Variants in JARID2 observed in about 807,000 individuals in gnomAD.
JARID2 encodes jumonji and AT-rich interaction domain containing 2, also known as protein Jumonji.
JARID2 carries 21 observed loss-of-function variants against 125.6 expected under a neutral mutation model. That is an observed-to-expected ratio of 0.17 (90% confidence interval 0.12 to 0.24). The LOEUF is 0.24. Among genes scored for constraint, JARID2 ranks in the 10% least tolerant of loss-of-function variants. The pLI, the probability that JARID2 is intolerant of heterozygous loss-of-function variation, is 1.00. For synonymous variants in JARID2, 736 were observed against 661.6 expected (o/e 1.11, Z -1.73); for missense variants, 1,303 against 1,639.6 (o/e 0.79, Z 3.55).
intron 1 of JARID2, among the ~76,000 whole-genome samples, chr6:15,273,969 C>T (rs562340282): frequency 4.5e-4 from 68 of 151,692 alleles, no homozygotes; most frequent in African/African-American, 1.5e-3. Context: ...CGCCCTGTCA[C>T]CCAGGCTGGA....
chr6:15,430,143 A>C (rs1264463469), intron 3 of JARID2, among the ~76,000 whole-genome samples: 1 of 152,254 alleles, frequency 6.6e-6, no homozygotes, highest in African/African-American at 2.4e-5. Context: ...ATCTATGTCC[A>C]TGATAATAAA....
intron 6 of JARID2, among the ~76,000 whole-genome samples, chr6:15,494,906 G>T (rs1293618669): frequency 6.6e-6 from 1 of 152,186 alleles, no homozygotes; most frequent in Non-Finnish European, 1.5e-5. Context: ...GGAAGTGCAG[G>T]CTCCCCCGAC....
Position 15,488,455 on chromosome 6 carries a change from A to G in JARID2, c.906+913A>G, listed in dbSNP as rs146226849. Among the ~76,000 whole-genome samples the G allele has an allele frequency of 1.2e-3, 189 of 152,330 alleles. 1 individual carries two copies. Among genetic ancestry groups the G allele is most frequent in the African/African-American group, 4.3e-3 (180 of 41,588 alleles). The stretch of plus-strand genomic sequence containing the variant: ...GCTTTCCTCACAGAGTTAAAAATAG[A>G]GGGTTAAAATCTTCCCTAGAAGAGA... On this transcript the variant is annotated intron_variant, in intron 6 of 17. Coordinates refer to ENST00000341776, the MANE Select transcript of JARID2 (RefSeq NM_004973.4).
At chr6:15,481,310 C>T (rs1348171185) in intron 5 of JARID2, among the ~76,000 whole-genome samples, 1 of 152,202 alleles carries the variant, frequency 6.6e-6, no homozygotes, top group Non-Finnish European at 1.5e-5. Context: ...ATATGGTTCA[C>T]AGTGATGAAT....
chr6:15,498,742 C>A (rs1770583869), intron 7 of JARID2, among the ~76,000 whole-genome samples: 1 of 152,220 alleles, frequency 6.6e-6, no homozygotes, highest in Admixed American at 6.5e-5. Flanking sequence ...TGCAAGAGTT[C>A]TTGGTTTGTG....
chr6:15,281,952 G>GTGTGTGTGTA (rs1405841555), intron 1 of JARID2, among the ~76,000 whole-genome samples: 8 of 151,978 alleles, frequency 5.3e-5, no homozygotes, highest in African/African-American at 1.9e-4. Context: ...GTGTGTGTGT[G>GTGTGTGTGTA]TGTGTGTGTG....
At chr6:15,257,526 C>T (rs1488228136) in intron 1 of JARID2, among the ~76,000 whole-genome samples, 3 of 152,196 alleles carry the variant, frequency 2.0e-5, no homozygotes, top group Non-Finnish European at 4.4e-5. Flanking sequence ...TGACTCATCT[C>T]TTCGGGATGG....
intron 3 of JARID2, among the ~76,000 whole-genome samples, chr6:15,431,567 A>G (rs1214138628): frequency 6.6e-6 from 1 of 152,214 alleles, no homozygotes; most frequent in Non-Finnish European, 1.5e-5. Context: ...CAAGCTCTTT[A>G]CATATTATTC....
At chr6:15,336,464 T>C (rs1762882583) in intron 1 of JARID2, among the ~76,000 whole-genome samples, 1 of 152,228 alleles carries the variant, frequency 6.6e-6, no homozygotes. Flanking sequence ...AGATTTTAAT[T>C]CTACATTTAA....
intron 2 of JARID2, among the ~76,000 whole-genome samples, chr6:15,381,187 ACTAAAAATACAAAAAAAAAAAATTAG>A (rs1400922662): frequency 1.3e-5 from 2 of 150,048 alleles, no homozygotes; most frequent in African/African-American, 5.0e-5. Flanking sequence ...CCCTGTCTCT[ACTAAAAATACAAAAAAAAAAAATTAG>A]CCGGGCGTGG....
chr6:15,396,266 A>AG (rs1161280405), intron 2 of JARID2, among the ~76,000 whole-genome samples: 6 of 152,230 alleles, frequency 3.9e-5, no homozygotes. Flanking sequence ...ACATGTAGGT[A>AG]GCCCTGTATG....
chr6:15,340,400 C>T (rs949149659), intron 1 of JARID2, among the ~76,000 whole-genome samples: 8 of 152,160 alleles, frequency 5.3e-5, no homozygotes, highest in African/African-American at 1.9e-4. Context: ...ACTTTTGATA[C>T]TTTGTCATTA....
intron 2 of JARID2, among the ~76,000 whole-genome samples, chr6:15,386,421 G>A (rs1764789908): frequency 6.6e-6 from 1 of 152,212 alleles, no homozygotes; most frequent in Admixed American, 6.5e-5. Flanking sequence ...CAACACTCCA[G>A]TGTAGATAAA....
intron 7 of JARID2, among the ~76,000 whole-genome samples, chr6:15,498,871 C>T (rs1211413331): frequency 6.6e-6 from 1 of 152,226 alleles, no homozygotes; most frequent in Non-Finnish European, 1.5e-5. Flanking sequence ...ATGACTGAGT[C>T]AGTGATGGAA....
At chr6:15,339,565 C>A (rs1364412756) in intron 1 of JARID2, among the ~76,000 whole-genome samples, 1 of 108,228 alleles carries the variant, frequency 9.2e-6, no homozygotes, top group Non-Finnish European at 1.7e-5. Context: ...AAGAGAGTTT[C>A]GCTCTTGTTA....
intron 1 of JARID2, among the ~76,000 whole-genome samples, chr6:15,307,114 C>A (rs894963890): frequency 6.6e-6 from 1 of 151,812 alleles, no homozygotes; most frequent in African/African-American, 2.4e-5. Flanking sequence ...TGGTGGCAGG[C>A]GCCTGTAGTC....
At chr6:15,335,805 A>G (rs759308948) in intron 1 of JARID2, among the ~76,000 whole-genome samples, 1 of 152,274 alleles carries the variant, frequency 6.6e-6, no homozygotes. Flanking sequence ...CCTCCAGAGC[A>G]TGGCCCCTTT....
chr6:15,440,104 T>C (rs535295220), intron 3 of JARID2, among the ~76,000 whole-genome samples: 19 of 152,364 alleles, frequency 1.2e-4, no homozygotes, highest in African/African-American at 4.3e-4. Flanking sequence ...TCAGAAGATA[T>C]TCTCGTCCGA....
At chr6:15,428,475 G>A (rs189135375) in intron 3 of JARID2, among the ~76,000 whole-genome samples, 1 of 152,068 alleles carries the variant, frequency 6.6e-6, no homozygotes, top group African/African-American at 2.4e-5. Context: ...CTGTGTCCAA[G>A]TGTTCTCATT....
Sources: gnomAD v4.1 joint callset for allele counts (sites outside exome capture counted in the v4.1 genomes callset) on GRCh38, gnomAD v4.1.1 for gene constraint, MANE v1.5 for transcripts, NCBI Gene and HGNC (gene_info 2026-07-23, HGNC 2026-07-21) for gene names.